Variants in IL3RA observed in about 807,000 individuals in gnomAD.
IL3RA encodes interleukin-3 receptor subunit alpha.
A neutral mutation model predicts 52.3 loss-of-function variants in IL3RA; 73 were observed. That is an observed-to-expected ratio of 1.40 (90% CI 1.16 to 1.70). IL3RA has a LOEUF of 1.70. Among genes scored for constraint, IL3RA ranks in the 40% most tolerant of loss-of-function variants. The pLI is 0.00. For synonymous variants in IL3RA, 260 were observed against 194.0 expected, an observed-to-expected ratio of 1.34 and a Z score of -2.83; for missense variants, 664 against 504.4, an observed-to-expected ratio of 1.32 and a Z score of -3.03.
In IL3RA at chrX:1,348,434, G is replaced by C. The variant is rs1262924938; in HGVS notation, c.187G>C (p.Val63Leu). 3.7e-6 allele frequency: 6 copies of C among 1,611,804 alleles called. No individual in the cohort carries two copies. Among genetic ancestry groups the C allele is most frequent in the South Asian group, 1.1e-5 (1 of 91,054 alleles). The change falls in exon 4 of 12, where the codon GTG becomes CTG. Residue 63 changes from valine to leucine, a missense_variant. Transcript: ENST00000331035. ...VKDADYSMPA[V>L]NNSYCQFGAI... ...CATAGTCCTATGTCTCTCTTAGGCA[G>C]TGAACAATAGCTATTGCCAGTTTGG...
intron 10 of IL3RA, among the ~76,000 whole-genome samples, chrX:1,380,610 G>GGGT (rs2089128420): frequency 4.8e-5 from 1 of 20,622 alleles, no homozygotes; most frequent in Non-Finnish European, 8.2e-5. Flanking sequence ...GGAGAGGGGA[G>GGGT]GATGAGTGGG....
intron 8 of IL3RA, among the ~76,000 whole-genome samples, chrX:1,363,658 A>G (rs2087667821): frequency 6.6e-6 from 1 of 151,728 alleles, no homozygotes; most frequent in Non-Finnish European, 1.5e-5. Context: ...ATTTTGGGGG[A>G]TCACAATGCA....
chrX:1,350,325 C>T (rs1293924809), intron 4 of IL3RA, among the ~76,000 whole-genome samples: 3 of 151,540 alleles, frequency 2.0e-5, no homozygotes, highest in African/African-American at 7.3e-5. Flanking sequence ...CATGGTGGCT[C>T]ACGCCTGTAA....
intron 9 of IL3RA, among the ~76,000 whole-genome samples, chrX:1,368,696 C>T (rs1370206859): frequency 1.1e-4 from 16 of 151,868 alleles, no homozygotes; most frequent in African/African-American, 2.4e-4. Flanking sequence ...CACAGAGGGA[C>T]GACCCTGTGG....
intron 7 of IL3RA, among the ~76,000 whole-genome samples, chrX:1,356,726 C>A (rs1161701595): frequency 1.3e-5 from 2 of 150,806 alleles, no homozygotes; most frequent in African/African-American, 4.9e-5. Context: ...GAGCCGAGAT[C>A]GCGCCATTGC....
chrX:1,348,736 TTC>T (rs2085933369), intron 4 of IL3RA, among the ~76,000 whole-genome samples, 191 bp downstream of exon 4: 3 of 104,804 alleles, frequency 2.9e-5, no homozygotes, highest in Admixed American at 2.8e-4. Flanking sequence ...TTCTTTTTCT[TTC>T]TTTCTTTCCT....
intron 9 of IL3RA, among the ~76,000 whole-genome samples, chrX:1,367,955 C>G (rs371678994): frequency 8.5e-5 from 13 of 152,112 alleles, no homozygotes; most frequent in Admixed American, 3.3e-4. Flanking sequence ...CTCTTACTCA[C>G]GAGAGGAGAC....
chrX:1,346,848 T>C (rs1382948887), intron 3 of IL3RA, among the ~76,000 whole-genome samples: 1 of 151,192 alleles, frequency 6.6e-6, no homozygotes, highest in Non-Finnish European at 1.5e-5. Flanking sequence ...AAGAGCTATG[T>C]TCGTTCAATA....
At chrX:1,358,264 C>A (rs762721880) in intron 7 of IL3RA, among the ~76,000 whole-genome samples, 1 of 152,228 alleles carries the variant, frequency 6.6e-6, no homozygotes, top group African/African-American at 2.4e-5. Context: ...CTGTGGCTAC[C>A]CCTGAGTGCA....
At chrX:1,358,809 G>A (rs1175969327) in intron 7 of IL3RA, 52 bp from the exon 8 acceptor site, 1 of 1,606,118 alleles carries the variant, frequency 6.2e-7, no homozygotes, top group Non-Finnish European at 8.5e-7. Context: ...GGAGGAGGAG[G>A]CTTTCAGGGA....
At chrX:1,345,037 CG>C (rs1304116200) in intron 2 of IL3RA, among the ~76,000 whole-genome samples, 1 of 145,872 alleles carries the variant, frequency 6.9e-6, no homozygotes, top group Non-Finnish European at 1.5e-5. Flanking sequence ...GGCGTGGTGG[CG>C]GGCGCCTGTA....
intron 3 of IL3RA, among the ~76,000 whole-genome samples, chrX:1,346,312 G>A (rs1225479209): frequency 1.3e-5 from 2 of 151,964 alleles, no homozygotes; most frequent in East Asian, 1.9e-4. Flanking sequence ...GGTGGTGGGC[G>A]CCTGTAATCC....
chrX:1,368,414 G>A (rs752758231), intron 9 of IL3RA, among the ~76,000 whole-genome samples: 3 of 152,048 alleles, frequency 2.0e-5, no homozygotes, highest in Non-Finnish European at 2.9e-5. Flanking sequence ...GAAAAACCCT[G>A]TCTCTACTAA....
At chrX:1,362,426 TTC>T (rs1175251168) in intron 8 of IL3RA, among the ~76,000 whole-genome samples, 4 of 148,464 alleles carry the variant, frequency 2.7e-5, no homozygotes, top group African/African-American at 7.5e-5. Flanking sequence ...TCTGTCTCCC[TTC>T]TCTGTGTCTC....
chrX:1,382,461 C>T lies in IL3RA; in HGVS notation c.1133C>T (p.Thr378Ile). ...ACTGAAGTACAGGTCGTGCAGAAAA[C>T]TTGAGACTGGGGTTCAGGGCTTGTG... ...LVTEVQVVQK[T>I] Residue 378 changes from threonine to isoleucine, a missense_variant, in exon 12 of 12, where the codon ACT becomes ATT. Physicochemically the swap from Thr to Ile is moderately conservative, Grantham distance 89 (BLOSUM62 -1). Coordinates refer to ENST00000331035, the MANE Select transcript of IL3RA (RefSeq NM_002183.4). 2 of 1,613,870 alleles carry T rather than the reference C, an allele frequency of 1.2e-6. No individual in the cohort carries two copies. The highest frequency in any genetic ancestry group is 2.2e-5 in the East Asian group (1 of 44,866).
chrX:1,378,043 G>A (rs1209847768), intron 9 of IL3RA, among the ~76,000 whole-genome samples: 21 of 150,916 alleles, frequency 1.4e-4, no homozygotes, highest in African/African-American at 4.4e-4. Flanking sequence ...AAAATTACCC[G>A]GGCGTGGTGG....
In IL3RA at chrX:1,381,069, G is replaced by C. The variant is rs1477760920; in HGVS notation, c.1027G>C (p.Asp343His). ...RLFPRIPHMK[D>H]PIGDSFQNDK... The stretch of plus-strand genomic sequence containing the variant: ...CTTTCCCCGCATCCCTCACATGAAA[G>C]ACCCCATCGGTGACAGCTTCCAAAA... The change falls in exon 11 of 12, where the codon GAC (aspartate) becomes CAC (histidine). Residue 343 changes from aspartate to histidine, a missense_variant. Physicochemically the swap from Asp to His is moderately conservative, Grantham distance 81. Coordinates refer to ENST00000331035, the MANE Select transcript of IL3RA (RefSeq NM_002183.4). 3 of 1,613,836 alleles carry C rather than the reference G, an allele frequency of 1.9e-6. 1 individual carries two copies. The South Asian group carries it at 3.3e-5, about 18-fold the overall frequency.
intron 3 of IL3RA, among the ~76,000 whole-genome samples, chrX:1,347,865 C>T (rs1271133280): frequency 3.2e-4 from 48 of 149,182 alleles, no homozygotes; most frequent in Admixed American, 8.1e-4. Context: ...GGTGAAACCC[C>T]GTCTCTACTA....
At chrX:1,363,579 C>T (rs1230567135) in intron 8 of IL3RA, among the ~76,000 whole-genome samples, 31 of 150,346 alleles carry the variant, frequency 2.1e-4, no homozygotes, top group East Asian at 4.1e-4. Flanking sequence ...TGAGCCACCG[C>T]GCCTGGCCGA....
Sources: allele counts gnomAD v4.1 joint callset (sites outside exome capture counted in the v4.1 genomes callset), GRCh38; gene constraint gnomAD v4.1.1; transcripts MANE v1.5; gene names NCBI Gene and HGNC (gene_info 2026-07-23, HGNC 2026-07-21).